NPC1L1: variants seen among roughly 807,000 people sequenced by gnomAD.
NPC1L1 encodes the protein NPC1-like intracellular cholesterol transporter 1.
NPC1L1 carries 98 observed loss-of-function variants against 117.0 expected under a neutral mutation model. The ratio of observed to expected loss-of-function variants is 0.84; its 90% CI spans 0.71 to 0.99. The LOEUF (loss-of-function observed/expected upper bound fraction) is 0.99. Among genes scored for constraint, NPC1L1 ranks in the 50% least tolerant of loss-of-function variants. The pLI is 0.00. For synonymous variants in NPC1L1, 729 were observed against 727.6 expected, an observed-to-expected ratio of 1.00 and a Z score of -0.03; for missense variants, 1,540 against 1,710.0, an observed-to-expected ratio of 0.90 and a Z score of 1.75.
intron 10 of NPC1L1, among the ~76,000 whole-genome samples, chr7:44,524,862 G>A (rs989059616): frequency 6.6e-6 from 1 of 152,000 alleles, no homozygotes; most frequent in African/African-American, 2.4e-5. Context: ...AAATATCAAT[G>A]AGGAGGAAAC....
In NPC1L1 at chr7:44,533,866, A is replaced by G. The variant is rs1801780951; in HGVS notation, c.2167-13T>C. 5 of 1,601,084 alleles carry G rather than the reference A, an allele frequency of 3.1e-6. No individual in the cohort carries two copies. The highest frequency in any genetic ancestry group is 3.4e-6 in the Non-Finnish European group (4 of 1,173,354). ...TCCGGGGCAGCCTCTGTGTGGGAAC[A>G]GCAGGGATAAGAGCCAGGGCCCTCC... On this transcript the variant is annotated splice_polypyrimidine_tract_variant and intron_variant, in intron 6 of 18. Transcript: ENST00000381160.
intron 16 of NPC1L1, 80 bp from the exon 17 acceptor site, chr7:44,516,277 AGCGT>A (rs1801183724): frequency 2.5e-6 from 3 of 1,176,922 alleles, no homozygotes; most frequent in African/African-American, 3.0e-5. Context: ...CACCAGGACC[AGCGT>A]GGGGCAGGCA....
chr7:44,536,973 C>G lies in NPC1L1; in HGVS notation c.1581-31G>C, dbSNP rs180948221. On this transcript the variant is annotated intron_variant, in intron 2 of 18. Transcript: ENST00000381160. The surrounding 1 kb of genome is among the most constrained non-coding windows in gnomAD (Gnocchi z 4.7). ...GGGAGATGACCGCAAAGGGAAAGGG[C>G]CTTTCCTGGCCCTGCCCAGTCCCTA... 2.5e-6 allele frequency: 4 copies of G among 1,588,494 alleles called. No homozygotes were observed. The Admixed American group carries it at 6.7e-5, about 27-fold the overall frequency.
intron 15 of NPC1L1, 69 bp from the exon 16 acceptor site, chr7:44,517,003 C>T: frequency 6.7e-7 from 1 of 1,497,528 alleles, no homozygotes; most frequent in East Asian, 2.3e-5. Flanking sequence ...GGACACCCCA[C>T]TTCAGAAGGA....
intron 18 of NPC1L1, 62 bp downstream of exon 18, chr7:44,515,741 A>G (rs1049773910): frequency 6.2e-7 from 1 of 1,602,592 alleles, no homozygotes; most frequent in Admixed American, 1.7e-5. Flanking sequence ...GTGAGCATGC[A>G]CTGTTACTGT....
rs78574734 is a variant in NPC1L1 at position 44,513,149 on chromosome 7, G to A, written c.*298C>T. ...AGTGGGCTCCTAGGAAAGTGAGTGAGTGTGGGACAAACATGGAGTGTGTCT... is the reference window on the plus strand; with the variant it reads ...AGTGGGCTCCTAGGAAAGTGAGTGAATGTGGGACAAACATGGAGTGTGTCT... On this transcript the variant is annotated 3_prime_UTR_variant, in exon 19 of 19. Coordinates refer to ENST00000381160, the MANE Select transcript of NPC1L1 (RefSeq NM_001101648.2). 2.4e-4 allele frequency: 112 copies of A among 462,176 alleles called. No homozygotes were observed. The East Asian group carries it at 3.1e-3, about 13-fold the overall frequency. 28.6% of individuals were successfully genotyped at this position (462,176 alleles called of 1,614,324 possible). A position where few individuals can be genotyped will look rare whatever the true frequency, so the allele number is the denominator to read the frequency against.
intron 10 of NPC1L1, among the ~76,000 whole-genome samples, chr7:44,526,878 G>A (rs968077892): frequency 2.0e-5 from 3 of 151,670 alleles, no homozygotes; most frequent in Non-Finnish European, 2.9e-5. Flanking sequence ...ACAAAAATTA[G>A]CCTGGCATGG....
intron 10 of NPC1L1, among the ~76,000 whole-genome samples, chr7:44,522,877 G>T (rs1422644713): frequency 6.6e-6 from 1 of 151,072 alleles, no homozygotes; most frequent in Non-Finnish European, 1.5e-5. Context: ...GCCCATATTT[G>T]TGTGCACATA....
Position 44,516,922 on chromosome 7 carries a change from C to T in NPC1L1, c.3300G>A (p.Val1100=), listed in dbSNP as rs753507585. The change falls in exon 16 of 19, where the codon GTG becomes GTA. Residue 1100 remains valine, a synonymous_variant. Coordinates refer to ENST00000381160, the MANE Select transcript of NPC1L1 (RefSeq NM_001101648.2). Reference sequence around the variant, plus strand: ...GGATGGTCAGGTACTGCTCATAAAACACATTGGTGATCCTGCCAGAGCACA... The same window carrying T: ...GGATGGTCAGGTACTGCTCATAAAATACATTGGTGATCCTGCCAGAGCACA... ...FEVFPYTITN[V]FYEQYLTILP... 8.7e-6 allele frequency: 14 copies of T among 1,613,190 alleles called. No homozygotes were observed. The Admixed American group carries it at 2.0e-4, about 23-fold the overall frequency.
chr7:44,534,654 C>G lies in NPC1L1; in HGVS notation c.1984-25G>C. The G allele has an allele frequency of 6.2e-7, 1 of 1,612,938 alleles. No individual in the cohort carries two copies. The highest frequency in any genetic ancestry group is 8.5e-7 in the Non-Finnish European group (1 of 1,179,712). ...CCTGCAATGCAAACAGGCTCAGCCC[C>G]CTAGCCACTTAGCACCTACCCAGTA... On this transcript the variant is annotated intron_variant, in intron 5 of 18. Coordinates refer to ENST00000381160, the MANE Select transcript of NPC1L1 (RefSeq NM_001101648.2). This position sits in a 1 kb window ranked among gnomAD's most constrained non-coding sequence, Gnocchi z 5.2.
Position 44,517,220 on chromosome 7 carries a change from C to T in NPC1L1, c.3274G>A (p.Val1092Ile), listed in dbSNP as rs755084687. Residue 1092 changes from valine to isoleucine, a missense_variant, in exon 15 of 19, where the codon GTC becomes ATC. By Grantham distance (29) the Val-to-Ile change is conservative (BLOSUM62 3). Transcript: ENST00000381160. ...TCAGGTCCTCACGTGTAGGGGAAGA[C>T]CTCAAAAGCCGGGTCTGTTCCAGGC... ...KVPGTDPAFE[V>I]FPYTITNVFY... The T allele has an allele frequency of 1.7e-5, 27 of 1,613,832 alleles. No individual in the cohort carries two copies. In the South Asian group the frequency reaches 3.0e-4, roughly 18 times the overall value.
intron 14 of NPC1L1, among the ~76,000 whole-genome samples, chr7:44,520,280 G>A (rs921863319): frequency 7.0e-5 from 10 of 141,928 alleles, no homozygotes; most frequent in Non-Finnish European, 7.7e-5. Context: ...ACTCCGTCTC[G>A]AAAAAAAAAA....
intron 14 of NPC1L1, among the ~76,000 whole-genome samples, chr7:44,519,432 T>C (rs1220657465): frequency 6.6e-6 from 1 of 152,090 alleles, no homozygotes; most frequent in Non-Finnish European, 1.5e-5. Context: ...CCCACCACAC[T>C]GGCCTCACAG....
chr7:44,536,292 C>T lies in NPC1L1; in HGVS notation c.1818G>A (p.Arg606=). ...FLEEMRAFQR[R]MAGMFQVTFM... is the part of the protein sequence containing the mutation. ...ACGTGACCTGGAACATGCCAGCCAT[C>T]CGACGCTGGAAGGCTCGCATTTCCT... The change falls in exon 4 of 19, where the codon CGG becomes CGA. Residue 606 remains arginine, a synonymous_variant. Coordinates refer to ENST00000381160, the MANE Select transcript of NPC1L1 (RefSeq NM_001101648.2). The surrounding 1 kb of genome is among the most constrained non-coding windows in gnomAD (Gnocchi z 4.7). The T allele has an allele frequency of 6.2e-7, 1 of 1,614,184 alleles. No individual in the cohort carries two copies. Among genetic ancestry groups the T allele is most frequent in the Non-Finnish European group, 8.5e-7 (1 of 1,180,032 alleles).
chr7:44,513,736 G>T, intron 18 of NPC1L1, 87 bp from the exon 19 acceptor site: 2 of 1,437,664 alleles, frequency 1.4e-6, no homozygotes, highest in Admixed American at 1.8e-5. Context: ...ACAAACCCAG[G>T]GCAGGAAGGG....
At chr7:44,513,749 C>T in intron 18 of NPC1L1, 100 bp from the exon 19 acceptor site, 2 of 1,314,574 alleles carry the variant, frequency 1.5e-6, no homozygotes, top group Non-Finnish European at 2.1e-6. Context: ...AGGAAGGGTC[C>T]CAGGGGGGAT....
Position 44,525,089 on chromosome 7 carries a change from C to A in NPC1L1, c.2638-2847G>T, listed in dbSNP as rs533714828. On this transcript the variant is annotated intron_variant, in intron 10 of 18. Coordinates refer to ENST00000381160, the MANE Select transcript of NPC1L1 (RefSeq NM_001101648.2). The stretch of plus-strand genomic sequence containing the variant: ...TCAGACATCATCATCATCAAATAGA[C>A]CAAAATATGAATTGTAAGAATTCCA... 3.9e-5 allele frequency among the ~76,000 whole-genome samples: 6 copies of A among 151,934 alleles called. No individual in the cohort carries two copies. In the South Asian group the frequency reaches 1.3e-3, roughly 32 times the overall value.
intron 1 of NPC1L1, among the ~76,000 whole-genome samples, chr7:44,540,983 C>T (rs778904411): frequency 8.5e-5 from 13 of 152,100 alleles, no homozygotes; most frequent in Non-Finnish European, 1.2e-4. Flanking sequence ...AGTCCAGCAG[C>T]CTCTTTCACC....
chr7:44,513,654 G>A lies in NPC1L1; in HGVS notation c.3797-5C>T, dbSNP rs369764870. 1.1e-5 allele frequency: 17 copies of A among 1,611,756 alleles called. No individual in the cohort carries two copies. Among genetic ancestry groups the A allele is most frequent in the African/African-American group, 6.7e-5 (5 of 74,988 alleles). ...GAGCCGGGTTAACGTCAGGCCCTGC[G>A]GAGAGACAGAGAACCACAGTCAGAG... On this transcript the variant is annotated splice_region_variant and splice_polypyrimidine_tract_variant and intron_variant, in intron 18 of 18. Transcript: ENST00000381160.
Sources: allele counts gnomAD v4.1 joint callset (sites outside exome capture counted in the v4.1 genomes callset), GRCh38; gene constraint gnomAD v4.1.1; non-coding constraint Gnocchi (gnomAD v3.1); transcripts MANE v1.5; gene names NCBI Gene and HGNC (gene_info 2026-07-23, HGNC 2026-07-21).